The following PRPF40B variants were observed in gnomAD, a reference collection of about 807,000 sequenced individuals.
PRPF40B encodes pre-mRNA-processing factor 40 homolog B.
In PRPF40B, 56 loss-of-function variants were observed where a neutral mutation model predicts 124.5. That is an observed-to-expected ratio of 0.45 (90% confidence interval 0.36 to 0.56). The LOEUF is 0.56. Among genes scored for constraint, PRPF40B ranks in the 20% least tolerant of loss-of-function variants. The pLI, the probability that PRPF40B is intolerant of heterozygous loss-of-function variation, is 0.00. For missense variants in PRPF40B, 1,053 were observed against 1,169.5 expected (o/e 0.90, Z 1.45); for synonymous variants, 443 against 426.4 (o/e 1.04, Z -0.48).
chr12:49,629,205 G>C (rs1231802676), intron 1 of PRPF40B, among the ~76,000 whole-genome samples: 1 of 152,152 alleles, frequency 6.6e-6, no homozygotes, highest in Admixed American at 6.5e-5. Flanking sequence ...ATCATCTTTT[G>C]TCTCTGACTT....
At chr12:49,627,942 G>C (rs1294107340) in intron 1 of PRPF40B, among the ~76,000 whole-genome samples, 8 of 152,162 alleles carry the variant, frequency 5.3e-5, no homozygotes, top group Non-Finnish European at 1.2e-4. Context: ...GTGACTCATA[G>C]GTTTCCATTT....
Position 49,635,561 on chromosome 12 carries a change from C to G in PRPF40B, c.1275+88C>G. The G allele has an allele frequency of 7.8e-7, 1 of 1,274,144 alleles. No individual in the cohort carries two copies. The highest frequency in any genetic ancestry group is 1.1e-6 in the Non-Finnish European group (1 of 912,414). The allele number at this position is 1,274,144 out of a possible 1,614,324, so 78.9% of individuals were successfully genotyped here. On this transcript the variant is annotated intron_variant, in intron 14 of 25. Coordinates refer to ENST00000548825, the MANE Select transcript of PRPF40B (RefSeq NM_001031698.3). This position sits in a 1 kb window ranked among gnomAD's most constrained non-coding sequence, Gnocchi z 4.1. ...TGTTATGGACCCTCGCCATTTACTT[C>G]TCTACTTCCCCAGTGTCCCAGCTTC...
chr12:49,643,055 G>A lies in PRPF40B; in HGVS notation c.2205+39G>A, dbSNP rs768180891. 5.0e-6 allele frequency: 8 copies of A among 1,607,024 alleles called. No homozygotes were observed. The African/African-American group carries it at 9.4e-5, about 19-fold the overall frequency. ...TAGAAGGGACATGGGGTGAAGCTGG[G>A]TTGTTTTGGGGAAATAAACACTTTG... is the stretch of plus-strand genomic sequence containing the variant. On this transcript the variant is annotated intron_variant, in intron 22 of 25. Coordinates refer to ENST00000548825, the MANE Select transcript of PRPF40B (RefSeq NM_001031698.3).
chr12:49,630,585 C>T lies in PRPF40B; in HGVS notation c.44C>T (p.Ala15Val), dbSNP rs1333737713. 2.8e-6 allele frequency: 4 copies of T among 1,423,064 alleles called. No individual in the cohort carries two copies. The highest frequency in any genetic ancestry group is 2.3e-5 in the South Asian group (2 of 85,156). 88.2% of individuals were successfully genotyped at this position (1,423,064 alleles called of 1,614,324 possible). A position where few individuals can be genotyped will look rare whatever the true frequency, so the allele number is the denominator to read the frequency against. The change falls in exon 2 of 26, where the codon GCC (alanine) becomes GTC (valine). Residue 15 changes from alanine to valine, a missense_variant. Coordinates refer to ENST00000548825, the MANE Select transcript of PRPF40B (RefSeq NM_001031698.3). ...GGTCCCCGGCCCCCAGCAGCGCCTG[C>T]CCCCTTCCCACCGGGGCCCCCCATG... ...DSGPRPPAAPAPFPPGPPMMP... is the reference protein window; with the variant it reads ...DSGPRPPAAPVPFPPGPPMMP...
At chr12:49,624,075 T>A in intron 1 of PRPF40B, 2 of 987,272 alleles carry the variant, frequency 2.0e-6, no homozygotes, top group Non-Finnish European at 2.4e-6. Flanking sequence ...TTCCTGCATT[T>A]GCAAGAGCTT....
At chr12:49,637,429 C>T (rs1200433073) in intron 16 of PRPF40B, 41 bp from the exon 17 acceptor site, 1 of 1,425,040 alleles carries the variant, frequency 7.0e-7, no homozygotes, top group Non-Finnish European at 9.9e-7. Context: ...GGCTCTGCCT[C>T]CCTGTCTCAC....
rs756417864 is a variant in PRPF40B, at chr12:49,637,792, G to A, written c.1735G>A (p.Asp579Asn). The A allele has an allele frequency of 1.2e-6, 2 of 1,611,698 alleles. No individual in the cohort carries two copies. The highest frequency in any genetic ancestry group is 1.7e-5 in the Admixed American group (1 of 59,968). The change falls in exon 18 of 26, where the codon GAT (aspartate) becomes AAT (asparagine). Residue 579 changes from aspartate to asparagine, a missense_variant. Coordinates refer to ENST00000548825, the MANE Select transcript of PRPF40B (RefSeq NM_001031698.3). ...YVEELKARFH[D>N]EKKIIKDILK... ...GGAGGAGTTGAAGGCACGATTCCATGATGAAAAGAAGATCATTAAGGACAT... is the reference window on the plus strand; with the variant it reads ...GGAGGAGTTGAAGGCACGATTCCATAATGAAAAGAAGATCATTAAGGACAT...
At chr12:49,623,436 T>C (rs1205992512), upstream of PRPF40B, 10 of 716,882 alleles carry the variant, frequency 1.4e-5, no homozygotes, top group South Asian at 6.6e-5. Context: ...ACCGGGCCGG[T>C]TGGGGCCCCG....
chr12:49,634,123 G>A (rs1941510498), intron 10 of PRPF40B, 31 bp downstream of exon 10: 1 of 1,603,086 alleles, frequency 6.2e-7, no homozygotes, highest in Non-Finnish European at 8.5e-7. Context: ...CATTCCCAAT[G>A]TTGGCCTCAG....
chr12:49,636,124 C>T, intron 15 of PRPF40B, 131 bp downstream of exon 15: 6 of 1,157,120 alleles, frequency 5.2e-6, no homozygotes, highest in Non-Finnish European at 7.3e-6. Context: ...TCAACACTCA[C>T]CCAGTCCTTG....
Position 49,633,006 on chromosome 12 carries a change from C to T in PRPF40B, c.349-8C>T. On this transcript the variant is annotated splice_region_variant and splice_polypyrimidine_tract_variant and intron_variant, in intron 6 of 25. Transcript: ENST00000548825. ...TGACCACCATTCTGTGCCCCCCCCC[C>T]CACCCAGAGGGCCCTATGGAGTGAG... 1 of 896,650 alleles carries T rather than the reference C, an allele frequency of 1.1e-6. No homozygotes were observed. The highest frequency in any genetic ancestry group is 1.7e-6 in the Non-Finnish European group (1 of 590,568). 55.5% of individuals were successfully genotyped at this position (896,650 alleles called of 1,614,324 possible).
intron 5 of PRPF40B, 24 bp from the exon 6 acceptor site, chr12:49,632,831 A>G (rs1165940417): frequency 6.2e-7 from 1 of 1,613,942 alleles, no homozygotes; most frequent in Non-Finnish European, 8.5e-7. Flanking sequence ...AGGACTTAGT[A>G]TGTATCCTTT....
chr12:49,633,313 C>T, intron 7 of PRPF40B, 114 bp from the exon 8 acceptor site: 1 of 1,457,430 alleles, frequency 6.9e-7, no homozygotes, highest in Non-Finnish European at 9.4e-7. Context: ...TTGAACCAGG[C>T]CAGGTGGTAG....
chr12:49,633,402 T>C (rs1271534352), intron 7 of PRPF40B, 25 bp from the exon 8 acceptor site: 11 of 1,613,822 alleles, frequency 6.8e-6, no homozygotes, highest in Admixed American at 6.7e-5. Context: ...ATCCCACTGA[T>C]GGCTCCTATC....
chr12:49,640,906 A>G (rs1450374368), intron 18 of PRPF40B: 1 of 152,180 alleles, frequency 6.6e-6, no homozygotes. Context: ...GGAGCTTTCA[A>G]TTCCCTGAGA....
At chr12:49,628,811 C>T (rs1320757259) in intron 1 of PRPF40B, among the ~76,000 whole-genome samples, 1 of 152,080 alleles carries the variant, frequency 6.6e-6, no homozygotes, top group Admixed American at 6.5e-5. Flanking sequence ...CATGATCTGC[C>T]CTCCTTGGCC....
Position 49,635,413 on chromosome 12 carries a change from T to C in PRPF40B, c.1215T>C (p.Pro405=), listed in dbSNP as rs569067241. 1.2e-6 allele frequency: 2 copies of C among 1,614,094 alleles called. No individual in the cohort carries two copies. The highest frequency in any genetic ancestry group is 1.7e-6 in the Non-Finnish European group (2 of 1,180,010). ...AGCTGGAGGTCTGGGCTGTGGTCCC[T>C]GAGAGGGATCGAAAAGAGGTTTATG... ...FGELEVWAVV[P]ERDRKEVYDD... Residue 405 remains proline (P), a synonymous_variant, in exon 14 of 26, where the codon CCT becomes CCC. Transcript: ENST00000548825. The surrounding 1 kb of genome is among the most constrained non-coding windows in gnomAD (Gnocchi z 4.1).
intron 1 of PRPF40B, among the ~76,000 whole-genome samples, chr12:49,625,330 C>T (rs2138375886): frequency 6.6e-6 from 1 of 152,330 alleles, no homozygotes; most frequent in East Asian, 1.9e-4. Context: ...CATTTAATGT[C>T]TTGGAACCTT....
At chr12:49,626,418 C>T (rs1592571381) in intron 1 of PRPF40B, among the ~76,000 whole-genome samples, 1 of 152,314 alleles carries the variant, frequency 6.6e-6, no homozygotes, top group East Asian at 1.9e-4. Context: ...TAGCATGTCA[C>T]TCTGCAAAGT....
Sources: gnomAD v4.1 joint callset for allele counts (sites outside exome capture counted in the v4.1 genomes callset) on GRCh38, gnomAD v4.1.1 for gene constraint, Gnocchi (gnomAD v3.1) non-coding constraint, MANE v1.5 for transcripts, NCBI Gene and HGNC (gene_info 2026-07-23, HGNC 2026-07-21) for gene names.